The following ZNF878 variants were observed in gnomAD, a reference collection of about 807,000 sequenced individuals.
The protein encoded by ZNF878 is zinc finger protein 878.
ZNF878 carries 10 observed loss-of-function variants against 11.1 expected under a neutral mutation model. The ratio of observed to expected loss-of-function variants is 0.90; its 90% CI spans 0.56 to 1.53. The LOEUF (loss-of-function observed/expected upper bound fraction) is 1.53. Among genes scored for constraint, ZNF878 ranks in the 40% most tolerant of loss-of-function variants. ZNF878 has a pLI of 0.00. For missense variants in ZNF878, 548 were observed against 626.1 expected (o/e 0.88, Z 1.33); for synonymous variants, 165 against 209.7 (o/e 0.79, Z 1.84).
intron 1 of ZNF878, among the ~76,000 whole-genome samples, chr19:12,051,904 T>G (rs1975555617): frequency 6.6e-6 from 1 of 152,072 alleles, no homozygotes; most frequent in African/African-American, 2.4e-5. Context: ...CGAGACTCCG[T>G]CTCAAAAATA....
chr19:12,051,840 G>A (rs1048748654), intron 1 of ZNF878, among the ~76,000 whole-genome samples: 1 of 152,226 alleles, frequency 6.6e-6, no homozygotes, highest in African/African-American at 2.4e-5. Context: ...CCGGGAGGCG[G>A]AGGTTGCAGT....
chr19:12,050,639 A>G (rs1975540400), intron 1 of ZNF878, among the ~76,000 whole-genome samples: 1 of 152,134 alleles, frequency 6.6e-6, no homozygotes, highest in Non-Finnish European at 1.5e-5. Context: ...ATTGTTTTGT[A>G]AAATATTTTA....
chr19:12,045,760 C>T (rs1352445937), intron 3 of ZNF878, among the ~76,000 whole-genome samples: 2 of 152,058 alleles, frequency 1.3e-5, no homozygotes, highest in Non-Finnish European at 2.9e-5. Context: ...CCAAGTCTCA[C>T]TCTGTCGTCA....
At chr19:12,050,115 CTTG>C (rs1975536042) in intron 1 of ZNF878, among the ~76,000 whole-genome samples, 1 of 152,070 alleles carries the variant, frequency 6.6e-6, no homozygotes, top group Non-Finnish European at 1.5e-5. Flanking sequence ...GTCCCAGCTA[CTTG>C]GGAGGCTGAA....
At chr19:12,050,018 A>T (rs1488597377) in intron 1 of ZNF878, among the ~76,000 whole-genome samples, 1 of 152,226 alleles carries the variant, frequency 6.6e-6, no homozygotes, top group Non-Finnish European at 1.5e-5. Context: ...TGAGATCAGG[A>T]GTTTGAGACC....
intron 1 of ZNF878, among the ~76,000 whole-genome samples, chr19:12,051,222 G>A (rs1204109911): frequency 4.0e-5 from 6 of 151,646 alleles, no homozygotes; most frequent in African/African-American, 1.2e-4. Flanking sequence ...CGCTTGAACC[G>A]GGGAGGCGGA....
rs867952768 is a variant in ZNF878 at position 12,052,939 on chromosome 19, C to G, written c.-138G>C. 7.3e-7 allele frequency: 1 copy of G among 1,376,560 alleles called. No homozygotes were observed. The highest frequency in any genetic ancestry group is 9.8e-7 in the Non-Finnish European group (1 of 1,017,124). The allele number at this position is 1,376,560 out of a possible 1,614,324, so 85.3% of individuals were successfully genotyped here. ...GGAGCAAGAAAGCCCCAGACCTTAA[C>G]TAGCGCGAGCAGCCCTAGGAGTGAA... is the stretch of plus-strand genomic sequence containing the variant. On this transcript the variant is annotated 5_prime_UTR_variant, in exon 1 of 4. Coordinates refer to ENST00000547628, the MANE Select transcript of ZNF878 (RefSeq NM_001080404.3).
At position 12,043,813 on chromosome 19, in the gene ZNF878, C is replaced by G. The variant is rs375790772; in HGVS notation, c.1588G>C (p.Ala530Pro). The change falls in exon 4 of 4, where the codon GCT becomes CCT. Residue 530 changes from alanine (A) to proline (P), a missense_variant. By Grantham distance (27) the Ala-to-Pro change is conservative. Around this residue, in one of 3 missense-constraint regions of ZNF878, gnomAD observed 335 missense variants for 358.2 expected, o/e 0.94. Transcript: ENST00000547628. ...SILQKHVRTH[A>P]G ...TTACATCCATAGAGTTTCTAGCCAG[C>G]GTGAGTCCTTACATGCTTTTGAAGG... The G allele has an allele frequency of 1.0e-5, 16 of 1,598,254 alleles. No homozygotes were observed. The highest frequency in any genetic ancestry group is 1.4e-5 in the Non-Finnish European group (16 of 1,174,148).
intron 1 of ZNF878, among the ~76,000 whole-genome samples, chr19:12,049,738 C>T (rs1975533058): frequency 1.3e-5 from 2 of 151,476 alleles, no homozygotes; most frequent in South Asian, 4.2e-4. Flanking sequence ...CCATTGTACT[C>T]CAGCTTGGGC....
intron 1 of ZNF878, 145 bp downstream of exon 1, chr19:12,052,654 G>A: frequency 9.9e-7 from 1 of 1,013,176 alleles, no homozygotes; most frequent in Non-Finnish European, 1.3e-6. Flanking sequence ...GCGGCCGAGG[G>A]GACCGAGGGC....
At chr19:12,049,924 T>C (rs1322633495) in intron 1 of ZNF878, among the ~76,000 whole-genome samples, 1 of 152,028 alleles carries the variant, frequency 6.6e-6, no homozygotes, top group African/African-American at 2.4e-5. Context: ...TGGCATCCAA[T>C]TTTAAAACAT....
intron 1 of ZNF878, among the ~76,000 whole-genome samples, chr19:12,048,028 C>A (rs1975511698): frequency 6.6e-6 from 1 of 152,142 alleles, no homozygotes. Context: ...AAACTGTAAA[C>A]CCAAATCCCA....
intron 1 of ZNF878, 115 bp downstream of exon 1, chr19:12,052,684 T>C: frequency 1.5e-6 from 2 of 1,334,946 alleles, no homozygotes; most frequent in East Asian, 2.6e-5. Flanking sequence ...CTAGGGGGAC[T>C]GTGTCTGGAG....
At chr19:12,048,214 T>C (rs973274631) in intron 1 of ZNF878, among the ~76,000 whole-genome samples, 1 of 152,120 alleles carries the variant, frequency 6.6e-6, no homozygotes, top group Non-Finnish European at 1.5e-5. Context: ...TACTTTGTGA[T>C]AAAAGAAAAT....
At chr19:12,051,315 A>G (rs1975549801) in intron 1 of ZNF878, among the ~76,000 whole-genome samples, 1 of 152,098 alleles carries the variant, frequency 6.6e-6, no homozygotes, top group African/African-American at 2.4e-5. Flanking sequence ...ACAAACAAAA[A>G]AACCTGTAAC....
Position 12,052,852 on chromosome 19 carries a change from T to G in ZNF878, c.-51A>C. ...TCCTCTCTAAAGGTCCCGTGAACAGTGCAGGTCACAGCGCAGTCGACAGAG... is the reference window on the plus strand; with the variant it reads ...TCCTCTCTAAAGGTCCCGTGAACAGGGCAGGTCACAGCGCAGTCGACAGAG... On this transcript the variant is annotated 5_prime_UTR_variant, in exon 1 of 4. Transcript: ENST00000547628. 1 of 1,535,196 alleles carries G rather than the reference T, an allele frequency of 6.5e-7. No homozygotes were observed. The highest frequency in any genetic ancestry group is 1.2e-5 in the South Asian group (1 of 83,972).
rs760417395 is a variant in ZNF878, at chr19:12,052,750, C to T, written c.3+49G>A. On this transcript the variant is annotated intron_variant, in intron 1 of 3. Coordinates refer to ENST00000547628, the MANE Select transcript of ZNF878 (RefSeq NM_001080404.3). ...CGCCACAGCGGGTTCCTCTCGGTTCCACCCAGTCCCTCCTTTCGCCTTGGG... is the reference window on the plus strand; with the variant it reads ...CGCCACAGCGGGTTCCTCTCGGTTCTACCCAGTCCCTCCTTTCGCCTTGGG... 17 of 1,534,758 alleles carry T rather than the reference C, an allele frequency of 1.1e-5. No homozygotes were observed. The South Asian group carries it at 1.9e-4, about 17-fold the overall frequency.
chr19:12,046,593 G>A, intron 2 of ZNF878, 41 bp downstream of exon 2: 1 of 1,613,150 alleles, frequency 6.2e-7, no homozygotes, highest in East Asian at 2.2e-5. Flanking sequence ...AGAAACACCT[G>A]TTCTTTAATT....
Position 12,048,468 on chromosome 19 carries a change from A to G in ZNF878, c.4-1708T>C, listed in dbSNP as rs1410705808. Among the ~76,000 whole-genome samples, 6 of 151,468 alleles carry G rather than the reference A, an allele frequency of 4.0e-5. No homozygotes were observed. The East Asian group carries it at 9.7e-4, about 25-fold the overall frequency. ...GGGAGGCGGAGCTTGCAGTGAGCCA[A>G]GATCGAGCCACTGCACTCCAGCCTG... On this transcript the variant is annotated intron_variant, in intron 1 of 3. Transcript: ENST00000547628.
Sources: allele counts gnomAD v4.1 joint callset (sites outside exome capture counted in the v4.1 genomes callset), GRCh38; gene constraint gnomAD v4.1.1; regional missense constraint gnomAD v4.1.1; transcripts MANE v1.5; gene names NCBI Gene and HGNC (gene_info 2026-07-23, HGNC 2026-07-21).